Variants in CHMP4C observed in about 807,000 individuals in gnomAD.
CHMP4C encodes charged multivesicular body protein 4C, also known as SNF7 homolog associated with Alix 3.
A neutral mutation model predicts 29.0 loss-of-function variants in CHMP4C; 28 were observed. The observed-to-expected ratio is 0.97, with a 90% CI of 0.72 to 1.32. The LOEUF (loss-of-function observed/expected upper bound fraction) is 1.32. Ranked by LOEUF, CHMP4C falls within the 40% of genes most tolerant of loss-of-function variation. CHMP4C has a pLI of 0.00. For missense variants in CHMP4C, 291 were observed against 281.0 expected, an observed-to-expected ratio of 1.04 and a Z score of -0.25; for synonymous variants, 106 against 102.4, an observed-to-expected ratio of 1.04 and a Z score of -0.21.
rs1200047063 is a variant in CHMP4C at position 81,733,526 on chromosome 8, T to TAA, written c.190+721_190+722dup. Among the ~76,000 whole-genome samples the TAA allele has an allele frequency of 6.5e-3, 940 of 144,480 alleles. 13 individuals are homozygous for TAA. Among genetic ancestry groups the TAA allele is most frequent in the African/African-American group, 0.022 (889 of 39,690 alleles). The allele number at this position is 144,480 out of a possible 152,430, so 94.8% of individuals were successfully genotyped here. A position where few individuals can be genotyped will look rare whatever the true frequency, so the allele number is the denominator to read the frequency against. On this transcript the variant is annotated intron_variant, in intron 1 of 4. Coordinates refer to ENST00000297265, the MANE Select transcript of CHMP4C (RefSeq NM_152284.4). ...GCTGGATGTTCGGCAGTTGAAGTCT[T>TAA]AAAAAAAAAAAAGGTAGAGGAATTA...
intron 3 of CHMP4C, among the ~76,000 whole-genome samples, chr8:81,757,071 A>G (rs1471226887): frequency 2.0e-5 from 3 of 152,124 alleles, no homozygotes; most frequent in Non-Finnish European, 4.4e-5. Context: ...TGGTTGGCTT[A>G]AATATCTTCT....
chr8:81,739,575 T>C (rs1808738513), intron 1 of CHMP4C, among the ~76,000 whole-genome samples: 1 of 152,152 alleles, frequency 6.6e-6, no homozygotes, highest in African/African-American at 2.4e-5. Flanking sequence ...TTTCCCTCCC[T>C]TACCAGAAGC....
chr8:81,749,371 T>C (rs895961102), intron 1 of CHMP4C, among the ~76,000 whole-genome samples: 2 of 152,216 alleles, frequency 1.3e-5, no homozygotes, highest in African/African-American at 4.8e-5. Context: ...CAATTGAACA[T>C]ATGGCAAATG....
At chr8:81,733,811 T>C (rs1276246981) in intron 1 of CHMP4C, among the ~76,000 whole-genome samples, 1 of 152,212 alleles carries the variant, frequency 6.6e-6, no homozygotes, top group East Asian at 1.9e-4. Flanking sequence ...AATATCGGAC[T>C]CTGCTTACCA....
At chr8:81,742,837 G>C (rs1333056206) in intron 1 of CHMP4C, among the ~76,000 whole-genome samples, 3 of 152,116 alleles carry the variant, frequency 2.0e-5, no homozygotes, top group African/African-American at 7.2e-5. Flanking sequence ...GTATTTCAAA[G>C]ACCCCGTATG....
intron 1 of CHMP4C, among the ~76,000 whole-genome samples, chr8:81,745,032 T>C (rs1808805046): frequency 6.6e-6 from 1 of 152,220 alleles, no homozygotes. Context: ...TTTTTTCCAT[T>C]TGGGAAATGT....
At chr8:81,745,944 A>G (rs901571005) in intron 1 of CHMP4C, among the ~76,000 whole-genome samples, 2 of 152,240 alleles carry the variant, frequency 1.3e-5, no homozygotes, top group African/African-American at 4.8e-5. Flanking sequence ...CCAAATCAGT[A>G]ACAATGCTTG....
At position 81,755,431 on chromosome 8, in the gene CHMP4C, G is replaced by T; in HGVS notation, c.430G>T (p.Glu144Ter). The stretch of plus-strand genomic sequence containing the variant: ...CACAGAGCAACAGGATATCGCCCAA[G>T]AAATCTCAGAAGCATTTTCTCAACG... Reference protein sequence around the residue: ...EITEQQDIAQEISEAFSQRVG... With the variant: ...EITEQQDIAQ Residue 144 changes from glutamate (E) to a stop codon, truncating the protein, a stop_gained, in exon 3 of 5, where the codon GAA becomes TAA. Transcript: ENST00000297265. LOFTEE classifies it high-confidence loss of function. 6.2e-7 allele frequency: 1 copy of T among 1,612,578 alleles called. No homozygotes were observed. The highest frequency in any genetic ancestry group is 8.5e-7 in the Non-Finnish European group (1 of 1,178,904).
intron 1 of CHMP4C, among the ~76,000 whole-genome samples, chr8:81,739,415 T>A (rs369742075): frequency 0.065 from 1,791 of 27,422 alleles, 46 homozygotes; most frequent in African/African-American, 0.25. Context: ...GCCTGGGGGA[T>A]TGTGGGGGGG....
intron 1 of CHMP4C, among the ~76,000 whole-genome samples, chr8:81,745,354 A>G (rs144023802): frequency 1.8e-3 from 268 of 152,302 alleles, no homozygotes; most frequent in Non-Finnish European, 2.7e-3. Context: ...CACCTTTCAA[A>G]AACAGGTTTG....
intron 1 of CHMP4C, among the ~76,000 whole-genome samples, chr8:81,739,774 G>C (rs1405148472): frequency 1.3e-5 from 2 of 152,202 alleles, no homozygotes; most frequent in Non-Finnish European, 2.9e-5. Context: ...GGACAGCACA[G>C]AGTGGCCTGG....
rs1452312292 is a variant in CHMP4C at position 81,758,625 on chromosome 8, C to G, written c.*81C>G. ...TGTTTTTACCAAGTTCAGAAGTTAA[C>G]AAAGACTCTGCTTTATAATTATATT... On this transcript the variant is annotated 3_prime_UTR_variant, in exon 5 of 5. Coordinates refer to ENST00000297265, the MANE Select transcript of CHMP4C (RefSeq NM_152284.4). 1 of 906,394 alleles carries G rather than the reference C, an allele frequency of 1.1e-6. No individual in the cohort carries two copies. Among genetic ancestry groups the G allele is most frequent in the Non-Finnish European group, 1.8e-6 (1 of 560,616 alleles). The allele number at this position is 906,394 out of a possible 1,614,324, so 56.1% of individuals were successfully genotyped here.
intron 1 of CHMP4C, among the ~76,000 whole-genome samples, chr8:81,741,467 T>C (rs1051006909): frequency 6.6e-6 from 1 of 152,130 alleles, no homozygotes; most frequent in Non-Finnish European, 1.5e-5. Flanking sequence ...GTACTACTAG[T>C]TTATTTCTCA....
intron 1 of CHMP4C, among the ~76,000 whole-genome samples, chr8:81,739,919 G>A (rs1000116677): frequency 6.6e-6 from 1 of 152,150 alleles, no homozygotes; most frequent in African/African-American, 2.4e-5. Context: ...CCACACTCCC[G>A]TGGAAATCAA....
At chr8:81,739,485 T>C (rs972795711) in intron 1 of CHMP4C, among the ~76,000 whole-genome samples, 27 of 149,948 alleles carry the variant, frequency 1.8e-4, no homozygotes, top group Admixed American at 9.4e-4. Context: ...AGGCCAGATC[T>C]TACTCTCCAG....
rs141097319 is a variant in CHMP4C, at chr8:81,733,575, C to CT, written c.190+763dup. On this transcript the variant is annotated intron_variant, in intron 1 of 4. Coordinates refer to ENST00000297265, the MANE Select transcript of CHMP4C (RefSeq NM_152284.4). ...TAATTATTAAATTTCCTATCACTGA[C>CT]TTTTGGCACACACAAGAGACTTTGA... 3.6e-3 allele frequency among the ~76,000 whole-genome samples: 540 copies of CT among 152,106 alleles called. 8 individuals are homozygous for CT. Among genetic ancestry groups the CT allele is most frequent in the East Asian group, 0.033 (170 of 5,176 alleles).
At chr8:81,758,427 G>C (rs1808999121) in intron 4 of CHMP4C, 53 bp from the exon 5 acceptor site, 1 of 1,548,382 alleles carries the variant, frequency 6.5e-7, no homozygotes, top group African/African-American at 1.4e-5. Flanking sequence ...TGTTTTCTAT[G>C]CTGAAAGTGT....
chr8:81,747,280 T>A (rs1335397275), intron 1 of CHMP4C, among the ~76,000 whole-genome samples: 2 of 152,014 alleles, frequency 1.3e-5, no homozygotes, highest in South Asian at 2.1e-4. Context: ...CAGAAAGTTA[T>A]CTAAAATTAA....
At chr8:81,750,295 A>G (rs530279831) in intron 1 of CHMP4C, among the ~76,000 whole-genome samples, 1 of 152,272 alleles carries the variant, frequency 6.6e-6, no homozygotes, top group South Asian at 2.1e-4. Context: ...TTCTCCCAGA[A>G]CATAGATCAA....
Sources: allele counts gnomAD v4.1 joint callset (sites outside exome capture counted in the v4.1 genomes callset), GRCh38; gene constraint gnomAD v4.1.1; transcripts MANE v1.5; gene names NCBI Gene and HGNC (gene_info 2026-07-23, HGNC 2026-07-21).